The following DOCK8 variants were observed in gnomAD, a reference collection of about 807,000 sequenced individuals.
DOCK8 encodes the protein dedicator of cytokinesis 8, also known as dedicator of cytokinesis protein 8.
A neutral mutation model predicts 245.6 loss-of-function variants in DOCK8; 141 were observed. That is an observed-to-expected ratio of 0.57 (90% CI 0.50 to 0.66). DOCK8 has a LOEUF of 0.66. DOCK8 is among the 30% of genes least tolerant of loss of function. The pLI, the probability that DOCK8 is intolerant of heterozygous loss-of-function variation, is 0.00. For missense variants in DOCK8, 2,965 were observed against 2,603.4 expected (o/e 1.14, Z -3.02); for synonymous variants, 1,168 against 970.2 (o/e 1.20, Z -3.79).
intron 1 of DOCK8, among the ~76,000 whole-genome samples, chr9:235,338 G>A (rs1179855790): frequency 1.3e-5 from 2 of 152,174 alleles, no homozygotes; most frequent in East Asian, 1.9e-4. Context: ...GGGCTACTCG[G>A]GGGTCAGGGA....
intron 45 of DOCK8, among the ~76,000 whole-genome samples, chr9:450,587 C>T (rs150681541): frequency 1.3e-5 from 2 of 152,156 alleles, no homozygotes; most frequent in Non-Finnish European, 2.9e-5. Context: ...GTCCACACTT[C>T]CACGGCAGTT....
chr9:374,575 C>A (rs999818239), intron 18 of DOCK8, among the ~76,000 whole-genome samples: 17 of 149,206 alleles, frequency 1.1e-4, no homozygotes, highest in African/African-American at 4.2e-4. Context: ...AGTCGTCTCA[C>A]CTCGGCCTCC....
intron 28 of DOCK8, among the ~76,000 whole-genome samples, chr9:413,895 A>G (rs2055868201): frequency 6.6e-6 from 1 of 152,226 alleles, no homozygotes; most frequent in Non-Finnish European, 1.5e-5. Context: ...TAATCTCAGC[A>G]CTTTGGGAGG....
intron 28 of DOCK8, among the ~76,000 whole-genome samples, chr9:412,314 A>G (rs1177787727): frequency 6.6e-6 from 1 of 151,082 alleles, no homozygotes; most frequent in Non-Finnish European, 1.5e-5. Flanking sequence ...TTGAGGCTGG[A>G]GAATTGCTTG....
chr9:297,053 G>T (rs2049287768), intron 4 of DOCK8, among the ~76,000 whole-genome samples: 1 of 152,148 alleles, frequency 6.6e-6, no homozygotes, highest in South Asian at 2.1e-4. Context: ...ATGGAGGGCT[G>T]CCTTGTTCTG....
chr9:349,531 C>T (rs1343029781), intron 14 of DOCK8, among the ~76,000 whole-genome samples: 2 of 152,174 alleles, frequency 1.3e-5, no homozygotes, highest in Non-Finnish European at 2.9e-5. Context: ...ATCTCAAAGC[C>T]TATTTCTTAT....
chr9:333,515 A>G lies in DOCK8; in HGVS notation c.1126-710A>G, dbSNP rs192712641. Among the ~76,000 whole-genome samples the G allele has an allele frequency of 1.0e-2, 1,519 of 151,956 alleles. 21 individuals carry two copies. The highest frequency in any genetic ancestry group is 0.031 in the Middle Eastern group (9 of 294). On this transcript the variant is annotated intron_variant, in intron 10 of 47. Transcript: ENST00000432829. ...TCTCAGGAGGCTGAGGCAGGAGAATAGCTTGAACCTGGGAGGCGGAGGTTG... is the reference window on the plus strand; with the variant it reads ...TCTCAGGAGGCTGAGGCAGGAGAATGGCTTGAACCTGGGAGGCGGAGGTTG...
At chr9:299,041 A>G (rs1451230643) in intron 4 of DOCK8, among the ~76,000 whole-genome samples, 1 of 152,368 alleles carries the variant, frequency 6.6e-6, no homozygotes. Context: ...TTCAAGAAAC[A>G]TCACTGGTTC....
intron 5 of DOCK8, among the ~76,000 whole-genome samples, chr9:307,049 C>G (rs982713618): frequency 6.6e-6 from 1 of 152,100 alleles, no homozygotes; most frequent in Non-Finnish European, 1.5e-5. Context: ...AAGGCTAGAA[C>G]CAGCTGTCAC....
chr9:351,986 A>G (rs575771371), intron 14 of DOCK8, among the ~76,000 whole-genome samples: 2 of 152,312 alleles, frequency 1.3e-5, no homozygotes, highest in African/African-American at 2.4e-5. Context: ...AGTACCTCCA[A>G]GTGATTCATA....
intron 14 of DOCK8, among the ~76,000 whole-genome samples, chr9:363,769 G>A (rs973316431): frequency 1.4e-4 from 22 of 152,230 alleles, no homozygotes; most frequent in African/African-American, 4.6e-4. Context: ...TATCTGTGGT[G>A]GTGATGTTTG....
At chr9:411,664 C>G (rs2055737225) in intron 28 of DOCK8, among the ~76,000 whole-genome samples, 3 of 152,090 alleles carry the variant, frequency 2.0e-5, no homozygotes, top group Admixed American at 2.0e-4. Flanking sequence ...AGGCCAGTAT[C>G]TGATGAATAT....
chr9:255,671 A>G lies in DOCK8; in HGVS notation c.54-15956A>G, dbSNP rs1001319605. ...GGATAGAGCAAGACTCCATCTCCAA[A>G]AAAAAAAAAAAAAAAAAAAAAACAG... On this transcript the variant is annotated intron_variant, in intron 1 of 47. Transcript: ENST00000432829. 4.6e-4 allele frequency among the ~76,000 whole-genome samples: 23 copies of G among 50,282 alleles called. 1 individual carries two copies. The highest frequency in any genetic ancestry group is 5.4e-4 in the Non-Finnish European group (12 of 22,412). The allele number at this position is 50,282 out of a possible 152,430, so 33.0% of individuals were successfully genotyped here. A position where few individuals can be genotyped will look rare whatever the true frequency, so the allele number is the denominator to read the frequency against.
intron 2 of DOCK8, chr9:284,227 G>A (rs1233101693): frequency 6.6e-6 from 1 of 152,384 alleles, no homozygotes; most frequent in African/African-American, 2.4e-5. Flanking sequence ...ATTGGCAGAT[G>A]CATTTGTCTT....
chr9:366,578 A>G (rs2053012076), intron 14 of DOCK8: 2 of 152,232 alleles, frequency 1.3e-5, no homozygotes, highest in East Asian at 1.9e-4. Context: ...TGTGTCCCCA[A>G]ATAATTTCTC....
At chr9:396,979 C>A in intron 25 of DOCK8, 45 bp downstream of exon 25, 5 of 1,564,180 alleles carry the variant, frequency 3.2e-6, no homozygotes, top group Non-Finnish European at 4.4e-6. Flanking sequence ...TTACCTGGAA[C>A]ATATATTACT....
rs775919190 is a variant in DOCK8, at chr9:406,962, G to C, written c.3423G>C (p.Gln1141His). The C allele has an allele frequency of 1.2e-6, 2 of 1,614,138 alleles. No homozygotes were observed. Among genetic ancestry groups the C allele is most frequent in the Non-Finnish European group, 8.5e-7 (1 of 1,180,008 alleles). ...GCTCCTGCTCCAGCTTCCAGGACCA[G>C]AAGATCGCCAGCATGTTCGATCTGA... ...NSSSCSSFQD[Q>H]KIASMFDLTS... Residue 1141 changes from glutamine to histidine, a missense_variant, in exon 28 of 48, where the codon CAG becomes CAC. By Grantham distance (24) the Gln-to-His change is conservative (BLOSUM62 0). Transcript: ENST00000432829.
At chr9:214,669 G>T, upstream of DOCK8, 1 of 1,594,868 alleles carries the variant, frequency 6.3e-7, no homozygotes, top group African/African-American at 1.3e-5. Flanking sequence ...CCGGAGGTCG[G>T]CGGCCCCGGG....
At chr9:256,974 G>A (rs1198364977) in intron 1 of DOCK8, among the ~76,000 whole-genome samples, 1 of 152,170 alleles carries the variant, frequency 6.6e-6, no homozygotes, top group African/African-American at 2.4e-5. Flanking sequence ...CAACTTTCCT[G>A]AGCCTGCTCT....
Sources: gnomAD v4.1 joint callset for allele counts (sites outside exome capture counted in the v4.1 genomes callset) on GRCh38, gnomAD v4.1.1 for gene constraint, MANE v1.5 for transcripts, NCBI Gene and HGNC (gene_info 2026-07-23, HGNC 2026-07-21) for gene names.